DNAH5: variants seen among roughly 807,000 people sequenced by gnomAD.
The protein encoded by DNAH5 is axonemal beta dynein heavy chain 5.
Under a neutral mutation model 518.2 loss-of-function variants are expected in DNAH5, and 372 were observed. The observed-to-expected ratio is 0.72, with a 90% CI of 0.66 to 0.78. DNAH5 has a LOEUF of 0.78. DNAH5 is among the 30% of genes least tolerant of loss of function. The probability of loss-of-function intolerance (pLI) is 0.00; values close to 1 mark genes in which losing one functional copy is unlikely to be tolerated. For missense variants in DNAH5, 5,523 were observed against 5,687.0 expected (o/e 0.97, Z 0.93); for synonymous variants, 2,039 against 2,025.9 (o/e 1.01, Z -0.17).
chr5:13,914,162 C>G (rs776838548), intron 10 of DNAH5, among the ~76,000 whole-genome samples: 3 of 152,088 alleles, frequency 2.0e-5, no homozygotes, highest in Admixed American at 6.6e-5. Context: ...TCGGGTTACT[C>G]ACGATGCAAC....
chr5:13,824,226 T>C lies in DNAH5; in HGVS notation c.6552A>G (p.Val2184=). 1.2e-6 allele frequency: 2 copies of C among 1,614,132 alleles called. No individual in the cohort carries two copies. The highest frequency in any genetic ancestry group is 1.7e-6 in the Non-Finnish European group (2 of 1,179,976). Residue 2184 remains valine (V), a synonymous_variant, in exon 39 of 79, where the codon GTA becomes GTG. Transcript: ENST00000265104. ...GTTTAGAAAGATTCATGTCCCGTAGTACACGCATGACAATCGTGGACTCCG... is the reference window on the plus strand; with the variant it reads ...GTTTAGAAAGATTCATGTCCCGTAGCACACGCATGACAATCGTGGACTCCG... ...MDTESTIVMR[V]LRDMNLSKLI...
chr5:13,793,458 G>A, intron 49 of DNAH5, 57 bp downstream of exon 49: 1 of 1,482,680 alleles, frequency 6.7e-7, no homozygotes, highest in South Asian at 1.1e-5. Flanking sequence ...TTTTCAAAAA[G>A]GAACCCAAGC....
At position 13,776,500 on chromosome 5, in the gene DNAH5, G is replaced by A. The variant is rs1754106295; in HGVS notation, c.9312C>T (p.Ala3104=). Residue 3104 remains alanine, a synonymous_variant, in exon 55 of 79, where the codon GCC becomes GCT. Coordinates refer to ENST00000265104, the MANE Select transcript of DNAH5 (RefSeq NM_001369.3). The stretch of plus-strand genomic sequence containing the variant: ...AGTCAATTGTGCATCCTGAAATTAG[G>A]GCAGGGAACTTCAAAGCTCTGTTTC... ...KFRNRALKFP[A]LISGCTIDWF... is the part of the protein sequence containing the mutation. The A allele has an allele frequency of 1.9e-6, 3 of 1,613,882 alleles. No individual in the cohort carries two copies. The highest frequency in any genetic ancestry group is 1.3e-5 in the African/African-American group (1 of 75,016).
intron 11 of DNAH5, among the ~76,000 whole-genome samples, chr5:13,913,187 G>A (rs763417042): frequency 2.8e-4 from 43 of 151,950 alleles, no homozygotes; most frequent in Non-Finnish European, 5.3e-4. Flanking sequence ...TAAAATCTTC[G>A]AAATGTTATT....
At chr5:13,721,378 T>A in intron 70 of DNAH5, 133 bp from the exon 71 acceptor site, 1 of 1,030,604 alleles carries the variant, frequency 9.7e-7, no homozygotes, top group Non-Finnish European at 1.5e-6. Flanking sequence ...GCAAACAGGG[T>A]AGAGACTGTT....
chr5:13,736,383 G>A (rs965713886), intron 66 of DNAH5, among the ~76,000 whole-genome samples: 2 of 151,778 alleles, frequency 1.3e-5, no homozygotes, highest in African/African-American at 2.4e-5. Context: ...AACAATAAAC[G>A]ACACTTTAAT....
chr5:13,712,951 C>T (rs985282285), intron 75 of DNAH5, among the ~76,000 whole-genome samples: 1 of 152,006 alleles, frequency 6.6e-6, no homozygotes, highest in East Asian at 1.9e-4. Context: ...TTTGATCCAG[C>T]AATCCCACTA....
At chr5:13,998,237 C>T (rs1581143753) in intron 1 of DNAH5, among the ~76,000 whole-genome samples, 1 of 152,210 alleles carries the variant, frequency 6.6e-6, no homozygotes, top group East Asian at 1.9e-4. Context: ...CCATCCATGG[C>T]ACCTTGTTGC....
At chr5:13,856,483 T>C (rs1767654632) in intron 30 of DNAH5, among the ~76,000 whole-genome samples, 2 of 151,788 alleles carry the variant, frequency 1.3e-5, no homozygotes, top group Non-Finnish European at 2.9e-5. Flanking sequence ...TTCCGAACAA[T>C]AGAAAAAGAG....
chr5:13,704,068 G>T (rs944991982), intron 76 of DNAH5, among the ~76,000 whole-genome samples: 1 of 152,156 alleles, frequency 6.6e-6, no homozygotes, highest in African/African-American at 2.4e-5. Context: ...TAACTGTCTG[G>T]ACCCAAGGAT....
intron 8 of DNAH5, 43 bp downstream of exon 8, chr5:13,917,100 A>G (rs906417859): frequency 2.1e-6 from 3 of 1,451,776 alleles, no homozygotes; most frequent in African/African-American, 2.8e-5. Flanking sequence ...CTAGTGCAAA[A>G]AGGGTTATCT....
At chr5:13,836,805 T>G (rs1407628669) in intron 35 of DNAH5, among the ~76,000 whole-genome samples, 1 of 152,206 alleles carries the variant, frequency 6.6e-6, no homozygotes, top group Non-Finnish European at 1.5e-5. Context: ...TAAAGTGGAC[T>G]CAACCTAATC....
chr5:13,797,825 C>T (rs1245557280), intron 47 of DNAH5, among the ~76,000 whole-genome samples: 1 of 152,224 alleles, frequency 6.6e-6, no homozygotes, highest in South Asian at 2.1e-4. Context: ...CAATGATAGA[C>T]TGGATTAAGA....
rs373035013 is a variant in DNAH5, at chr5:13,796,305, T to C, written c.7888-2247A>G. Among the ~76,000 whole-genome samples the C allele has an allele frequency of 1.1e-4, 17 of 152,226 alleles. No homozygotes were observed. In the South Asian group the frequency reaches 2.3e-3, roughly 20 times the overall value. On this transcript the variant is annotated intron_variant, in intron 47 of 78. Transcript: ENST00000265104. ...TGGTTGTATATTTAGAAAACACCAT[T>C]GTCTCAGCCCAAAATCTCCTTAAGC... is the stretch of plus-strand genomic sequence containing the variant.
intron 28 of DNAH5, among the ~76,000 whole-genome samples, chr5:13,863,882 C>T (rs920016770): frequency 1.3e-5 from 2 of 152,206 alleles, no homozygotes; most frequent in Non-Finnish European, 2.9e-5. Flanking sequence ...TGCCCTGCCT[C>T]CACGCCTCAG....
intron 52 of DNAH5, 96 bp downstream of exon 52, chr5:13,786,083 T>A: frequency 7.9e-7 from 1 of 1,261,590 alleles, no homozygotes; most frequent in Non-Finnish European, 1.1e-6. Context: ...AACTGAAGAT[T>A]CTCCTAGGAA....
chr5:13,809,323 C>G lies in DNAH5; in HGVS notation c.7610-137G>C, dbSNP rs1448180582. 69 of 1,078,600 alleles carry G rather than the reference C, an allele frequency of 6.4e-5. 1 individual carries two copies. The Admixed American group carries it at 1.2e-3, about 19-fold the overall frequency. 66.8% of individuals were successfully genotyped at this position (1,078,600 alleles called of 1,614,324 possible). On this transcript the variant is annotated intron_variant, in intron 45 of 78. Transcript: ENST00000265104. ...AATGAAGATCATTAAAATTAGAGAT[C>G]TAAGTACACAAGTATGTGTTAGCTG...
Position 13,965,421 on chromosome 5 carries a change from G to A in DNAH5, c.13-34177C>T, listed in dbSNP as rs538221608. On this transcript the variant is annotated intron_variant, in intron 1 of 78. Coordinates refer to the DNAH5 transcript ENST00000681290. ...CACAGGAAACCAATGTGACTCTAAG[G>A]AATAATGAAAATCATGTTTTCATAC... is the stretch of plus-strand genomic sequence containing the variant. Among the ~76,000 whole-genome samples, 28 of 152,182 alleles carry A rather than the reference G, an allele frequency of 1.8e-4. 1 individual carries two copies. Among genetic ancestry groups the A allele is most frequent in the African/African-American group, 6.5e-4 (27 of 41,496 alleles).
chr5:13,827,486 C>A (rs929390035), intron 38 of DNAH5, among the ~76,000 whole-genome samples: 1 of 136,926 alleles, frequency 7.3e-6, no homozygotes, highest in African/African-American at 2.8e-5. Context: ...CTGAGGCTAA[C>A]AATGCCTGTA....
Sources: gnomAD v4.1 joint callset for allele counts (sites outside exome capture counted in the v4.1 genomes callset) on GRCh38, gnomAD v4.1.1 for gene constraint, MANE v1.5 for transcripts, NCBI Gene and HGNC (gene_info 2026-07-23, HGNC 2026-07-21) for gene names.